NFYA: variants seen among roughly 807,000 people sequenced by gnomAD.
The protein encoded by NFYA is nuclear transcription factor Y subunit alpha.
A neutral mutation model predicts 52.8 loss-of-function variants in NFYA; 28 were observed. The ratio of observed to expected loss-of-function variants is 0.53; its 90% CI spans 0.39 to 0.73. The LOEUF (loss-of-function observed/expected upper bound fraction) is 0.73. Among genes scored for constraint, NFYA ranks in the 30% least tolerant of loss-of-function variants. The pLI is 0.00. For synonymous variants in NFYA, 150 were observed against 150.7 expected, an observed-to-expected ratio of 1.00 and a Z score of 0.03; for missense variants, 234 against 427.0, an observed-to-expected ratio of 0.55 and a Z score of 3.98.
intron 1 of NFYA, among the ~76,000 whole-genome samples, chr6:41,076,891 TATC>T (rs1287075101): frequency 2.0e-5 from 3 of 152,192 alleles, no homozygotes; most frequent in Admixed American, 6.5e-5. Context: ...ACAGTATCAA[TATC>T]ATGATACAGG....
In NFYA at chr6:41,091,508, T is replaced by C. The variant is rs1418365208; in HGVS notation, c.548-20T>C. 1 of 1,612,402 alleles carries C rather than the reference T, an allele frequency of 6.2e-7. No homozygotes were observed. The highest frequency in any genetic ancestry group is 1.7e-5 in the Admixed American group (1 of 59,814). ...CTGTGTGCCTGTTTTTTGTTTGTTT[T>C]ATGTTTTGTTTTCTTAAAGTTACAG... On this transcript the variant is annotated intron_variant, in intron 6 of 9. Transcript: ENST00000341376.
rs1764446781 is a variant in NFYA, at chr6:41,099,591, T to G, written c.*2181T>G. 1 of 152,228 alleles carries G rather than the reference T, an allele frequency of 6.6e-6. No homozygotes were observed. Among genetic ancestry groups the G allele is most frequent in the Non-Finnish European group, 1.5e-5 (1 of 68,052 alleles). The allele number at this position is 152,228 out of a possible 1,614,324, so 9.4% of individuals were successfully genotyped here. ...GGGGGCAGGGTATTGACATTTGGAT[T>G]TTTTCTTTGATACTAGTTCTTTTAT... is the stretch of plus-strand genomic sequence containing the variant. On this transcript the variant is annotated 3_prime_UTR_variant, in exon 10 of 10. Coordinates refer to ENST00000341376, the MANE Select transcript of NFYA (RefSeq NM_002505.5).
chr6:41,086,324 C>T (rs1253146402), intron 4 of NFYA, among the ~76,000 whole-genome samples: 3 of 152,176 alleles, frequency 2.0e-5, no homozygotes, highest in Admixed American at 6.5e-5. Flanking sequence ...AGGGTTCATT[C>T]TAGCTCTAAA....
intron 9 of NFYA, among the ~76,000 whole-genome samples, chr6:41,096,881 T>G (rs1035293750): frequency 6.6e-6 from 1 of 152,228 alleles, no homozygotes; most frequent in African/African-American, 2.4e-5. Context: ...ACTTTACCCA[T>G]CTGGCCTTCA....
Position 41,091,516 on chromosome 6 carries a change from G to A in NFYA, c.548-12G>A, listed in dbSNP as rs765724500. On this transcript the variant is annotated splice_polypyrimidine_tract_variant and intron_variant, in intron 6 of 9. Coordinates refer to ENST00000341376, the MANE Select transcript of NFYA (RefSeq NM_002505.5). ...CTGTTTTTTGTTTGTTTTATGTTTTGTTTTCTTAAAGTTACAGTCCCTGTT... is the reference window on the plus strand; with the variant it reads ...CTGTTTTTTGTTTGTTTTATGTTTTATTTTCTTAAAGTTACAGTCCCTGTT... 3.1e-6 allele frequency: 5 copies of A among 1,612,008 alleles called. No homozygotes were observed. In the African/African-American group the frequency reaches 5.4e-5, roughly 17 times the overall value.
chr6:41,089,834 T>C (rs1764153266), intron 5 of NFYA, 124 bp downstream of exon 5: 1 of 1,383,010 alleles, frequency 7.2e-7, no homozygotes, highest in Non-Finnish European at 9.6e-7. Context: ...AAAAATATAT[T>C]TTTGGCCGGG....
At position 41,101,072 on chromosome 6, in the gene NFYA, CCGCTTGGCGG is replaced by C. The variant is rs1764489814; in HGVS notation, c.*3667_*3676del. On this transcript the variant is annotated 3_prime_UTR_variant, in exon 10 of 10. Transcript: ENST00000341376. ...CGCCGCCTCTGTGGCCTGTGGAGGC[CCGCTTGGCGG>C]CGCTGCTTCCCGACCTACTGGTCTT... is the stretch of plus-strand genomic sequence containing the variant. The C allele has an allele frequency of 6.6e-6, 1 of 152,266 alleles. No homozygotes were observed. The highest frequency in any genetic ancestry group is 1.5e-5 in the Non-Finnish European group (1 of 68,068). The allele number at this position is 152,266 out of a possible 1,614,324, so 9.4% of individuals were successfully genotyped here. A position where few individuals can be genotyped will look rare whatever the true frequency, so the allele number is the denominator to read the frequency against.
chr6:41,101,363 C>A lies in NFYA; in HGVS notation c.*3953C>A, dbSNP rs1366669013. Among the ~76,000 whole-genome samples the A allele has an allele frequency of 6.6e-6, 1 of 152,158 alleles. No individual in the cohort carries two copies. The highest frequency in any genetic ancestry group is 1.5e-5 in the Non-Finnish European group (1 of 68,040). ...GTATCTTCGTTTTAGCGTGGGAGGA[C>A]ATCTTTTGGGATGAACCGGCTCAGT... On this transcript the variant is annotated 3_prime_UTR_variant, in exon 10 of 10. Transcript: ENST00000341376.
rs144914647 is a variant in NFYA at position 41,097,453 on chromosome 6, C to T, written c.*43C>T. ...GAGCTGATCAAGGTCATGTTTCTCA[C>T]TGTTCCAGGAAATTGATCAACTCTT... On this transcript the variant is annotated 3_prime_UTR_variant, in exon 10 of 10. Transcript: ENST00000341376. The T allele has an allele frequency of 6.3e-7, 1 of 1,597,386 alleles. No individual in the cohort carries two copies. Among genetic ancestry groups the T allele is most frequent in the East Asian group, 2.2e-5 (1 of 44,726 alleles).
chr6:41,081,959 A>G (rs1450399713), intron 3 of NFYA, among the ~76,000 whole-genome samples: 1 of 152,258 alleles, frequency 6.6e-6, no homozygotes, highest in Non-Finnish European at 1.5e-5. Flanking sequence ...ACACAGGAGT[A>G]GCAGCACTAG....
Position 41,092,963 on chromosome 6 carries a change from G to A in NFYA, c.766G>A (p.Gly256Arg). 1 of 1,614,024 alleles carries A rather than the reference G, an allele frequency of 6.2e-7. No individual in the cohort carries two copies. ...TGCTATCCAAAGAATCCCTCTACCT[G>A]GAGCAGAGATGCTTGAAGAAGAGCC... ...VPAIQRIPLP[G>R]AEMLEEEPLY... The change falls in exon 8 of 10, where the codon GGA becomes AGA. Residue 256 changes from glycine to arginine, a missense_variant. By Grantham distance (125) the Gly-to-Arg change is moderately radical (BLOSUM62 -2). This residue lies in a region of NFYA where 81 missense variants were observed against 210.5 expected (regional missense o/e 0.38). Transcript: ENST00000341376.
chr6:41,090,190 C>G lies in NFYA; in HGVS notation c.442-14C>G. On this transcript the variant is annotated splice_polypyrimidine_tract_variant and intron_variant, in intron 5 of 9. Coordinates refer to ENST00000341376, the MANE Select transcript of NFYA (RefSeq NM_002505.5). ...TGGGATCTGTTGAATTGTGTCATTACTTATTTCCTCCAGACACAGCAGCAG... is the reference window on the plus strand; with the variant it reads ...TGGGATCTGTTGAATTGTGTCATTAGTTATTTCCTCCAGACACAGCAGCAG... 6.4e-7 allele frequency: 1 copy of G among 1,551,682 alleles called. No homozygotes were observed. The highest frequency in any genetic ancestry group is 8.9e-7 in the Non-Finnish European group (1 of 1,124,560).
Position 41,101,436 on chromosome 6 carries a change from A to C in NFYA, c.*4026A>C, listed in dbSNP as rs1310464139. ...ATGAAATTGAAACTCAGAGGAAAGGATTTTTACAGGACCACGCCCCGGGCT... is the reference window on the plus strand; with the variant it reads ...ATGAAATTGAAACTCAGAGGAAAGGCTTTTTACAGGACCACGCCCCGGGCT... On this transcript the variant is annotated 3_prime_UTR_variant, in exon 10 of 10. Transcript: ENST00000341376. 6.6e-6 allele frequency among the ~76,000 whole-genome samples: 1 copy of C among 152,106 alleles called. No individual in the cohort carries two copies. The highest frequency in any genetic ancestry group is 2.4e-5 in the African/African-American group (1 of 41,416).
At chr6:41,091,419 T>C in intron 6 of NFYA, 109 bp from the exon 7 acceptor site, 1 of 1,058,874 alleles carries the variant, frequency 9.4e-7, no homozygotes, top group Non-Finnish European at 1.3e-6. Context: ...TCAGTGTGTT[T>C]TGCCAGGATC....
chr6:41,078,149 T>C (rs1429732441), intron 1 of NFYA, among the ~76,000 whole-genome samples: 1 of 152,196 alleles, frequency 6.6e-6, no homozygotes, highest in Non-Finnish European at 1.5e-5. Context: ...CATTCATCCA[T>C]TTTTTGATGC....
chr6:41,089,842 G>C, intron 5 of NFYA, 132 bp downstream of exon 5: 2 of 1,278,382 alleles, frequency 1.6e-6, no homozygotes, highest in Non-Finnish European at 2.1e-6. Context: ...ATTTTTGGCC[G>C]GGCGCGGTGG....
At chr6:41,088,421 T>TC (rs1361049021) in intron 4 of NFYA, among the ~76,000 whole-genome samples, 1 of 61,524 alleles carries the variant, frequency 1.6e-5, no homozygotes, top group Non-Finnish European at 2.8e-5. Flanking sequence ...ACACTCCGTC[T>TC]CCAAAAAAAA....
chr6:41,101,398 C>A lies in NFYA; in HGVS notation c.*3988C>A, dbSNP rs1281851895. On this transcript the variant is annotated 3_prime_UTR_variant, in exon 10 of 10. Coordinates refer to ENST00000341376, the MANE Select transcript of NFYA (RefSeq NM_002505.5). Reference sequence around the variant, plus strand: ...GATGAACCGGCTCAGTCCTTGAGCTCACCCCAAAGATGATGAAATTGAAAC... The same window carrying A: ...GATGAACCGGCTCAGTCCTTGAGCTAACCCCAAAGATGATGAAATTGAAAC... Among the ~76,000 whole-genome samples, 2 of 152,180 alleles carry A rather than the reference C, an allele frequency of 1.3e-5. No individual in the cohort carries two copies. Among genetic ancestry groups the A allele is most frequent in the Non-Finnish European group, 2.9e-5 (2 of 68,036 alleles).
At chr6:41,084,558 A>G (rs1361190066) in intron 4 of NFYA, among the ~76,000 whole-genome samples, 3 of 152,286 alleles carry the variant, frequency 2.0e-5, no homozygotes, top group African/African-American at 4.8e-5. Context: ...AAACTGACGT[A>G]TAGAAAGGAT....
Sources: allele counts gnomAD v4.1 joint callset (sites outside exome capture counted in the v4.1 genomes callset), GRCh38; gene constraint gnomAD v4.1.1; regional missense constraint gnomAD v4.1.1; transcripts MANE v1.5; gene names NCBI Gene and HGNC (gene_info 2026-07-23, HGNC 2026-07-21).